The following NEDD4L variants were observed in gnomAD, a reference collection of about 807,000 sequenced individuals.
The protein encoded by NEDD4L is E3 ubiquitin-protein ligase NEDD4-like.
A neutral mutation model predicts 148.9 loss-of-function variants in NEDD4L; 54 were observed. The observed-to-expected ratio is 0.36, with a 90% CI of 0.29 to 0.45. NEDD4L has a LOEUF of 0.45. NEDD4L is among the 20% of genes least tolerant of loss of function. The pLI is 1.00. For synonymous variants in NEDD4L, 433 were observed against 440.7 expected (o/e 0.98, Z 0.22); for missense variants, 856 against 1,233.8 (o/e 0.69, Z 4.59).
intron 5 of NEDD4L, among the ~76,000 whole-genome samples, chr18:58,253,594 C>T (rs2048169203): frequency 6.6e-6 from 1 of 152,124 alleles, no homozygotes; most frequent in Non-Finnish European, 1.5e-5. Context: ...TATAACAGTA[C>T]GTTCCTGGAG....
chr18:58,367,753 T>C lies in NEDD4L; in HGVS notation c.2071T>C (p.Tyr691His). 1.9e-6 allele frequency: 3 copies of C among 1,613,968 alleles called. No individual in the cohort carries two copies. Among genetic ancestry groups the C allele is most frequent in the Non-Finnish European group, 2.5e-6 (3 of 1,179,844 alleles). Residue 691 changes from tyrosine to histidine, a missense_variant, in exon 22 of 31, where the codon TAC (tyrosine) becomes CAC (histidine). Physicochemically the swap from Tyr to His is moderately conservative, Grantham distance 83. Transcript: ENST00000400345. ...GLFEYSATDN[Y>H]TLQINPNSGL... Reference sequence around the variant, plus strand: ...TCTCTTTCTCCTCAAAAGGGACAACTACACCCTTCAGATCAACCCTAATTC... The same window carrying C: ...TCTCTTTCTCCTCAAAAGGGACAACCACACCCTTCAGATCAACCCTAATTC...
At chr18:58,324,828 A>T (rs566498156) in intron 8 of NEDD4L, among the ~76,000 whole-genome samples, 168 bp from the exon 9 acceptor site, 13 of 152,132 alleles carry the variant, frequency 8.5e-5, no homozygotes, top group South Asian at 8.3e-4. Flanking sequence ...ATATATATAT[A>T]TTTTTTTGGC....
chr18:58,176,902 G>A (rs562891546), intron 2 of NEDD4L, among the ~76,000 whole-genome samples: 67 of 152,350 alleles, frequency 4.4e-4, no homozygotes, highest in South Asian at 3.9e-3. Flanking sequence ...GAAGGTGTCT[G>A]ACACATAGAT....
intron 2 of NEDD4L, among the ~76,000 whole-genome samples, chr18:58,241,574 C>CT (rs1200945333): frequency 6.7e-6 from 1 of 150,324 alleles, no homozygotes; most frequent in Admixed American, 6.6e-5. Context: ...GTGATTCTGA[C>CT]TAGCAGGTCT....
intron 1 of NEDD4L, chr18:58,045,172 A>G (rs940478565): frequency 2.5e-6 from 1 of 398,600 alleles, no homozygotes; most frequent in African/African-American, 2.1e-5. Flanking sequence ...CTCTCTCATG[A>G]TTGTGTGGAT....
At chr18:58,357,509 T>G in intron 19 of NEDD4L, 1 of 640,442 alleles carries the variant, frequency 1.6e-6, no homozygotes, top group Non-Finnish European at 2.9e-6. Flanking sequence ...TCTTCTCCTT[T>G]ATAAAAGGGT....
At chr18:58,275,098 A>G (rs1252397382) in intron 5 of NEDD4L, among the ~76,000 whole-genome samples, 1 of 152,252 alleles carries the variant, frequency 6.6e-6, no homozygotes, top group African/African-American at 2.4e-5. Flanking sequence ...AACTAGTAAT[A>G]GCCTACTGTT....
At chr18:58,263,514 C>T (rs1033772784) in intron 5 of NEDD4L, among the ~76,000 whole-genome samples, 8 of 152,184 alleles carry the variant, frequency 5.3e-5, no homozygotes, top group African/African-American at 1.4e-4. Context: ...AAATTCAAAT[C>T]GTTTCTGATA....
At chr18:58,145,072 C>T (rs780462439) in intron 1 of NEDD4L, among the ~76,000 whole-genome samples, 14 of 152,172 alleles carry the variant, frequency 9.2e-5, no homozygotes, top group Non-Finnish European at 1.3e-4. Flanking sequence ...AGAGGATGCC[C>T]TCCACTGCTG....
intron 5 of NEDD4L, among the ~76,000 whole-genome samples, chr18:58,272,556 G>C (rs2051203555): frequency 6.6e-6 from 1 of 151,960 alleles, no homozygotes; most frequent in Admixed American, 6.6e-5. Context: ...CTGAGCTTGG[G>C]GAAACTGAGG....
chr18:58,167,580 A>G (rs1022669840), intron 2 of NEDD4L, among the ~76,000 whole-genome samples: 1 of 152,182 alleles, frequency 6.6e-6, no homozygotes, highest in Admixed American at 6.5e-5. Context: ...ATGTCATTTT[A>G]GCTTTTGCAG....
intron 1 of NEDD4L, among the ~76,000 whole-genome samples, chr18:58,153,361 A>T (rs1250058976): frequency 1.4e-5 from 2 of 145,916 alleles, no homozygotes; most frequent in Non-Finnish European, 3.0e-5. Context: ...TTTTTTAAAG[A>T]CAGAGTCTTG....
At chr18:58,233,647 C>T (rs1203927674) in intron 2 of NEDD4L, among the ~76,000 whole-genome samples, 1 of 152,228 alleles carries the variant, frequency 6.6e-6, no homozygotes, top group East Asian at 1.9e-4. Context: ...AGTCAGAATT[C>T]TGTAACACAT....
chr18:58,188,277 A>G (rs1485730644), intron 2 of NEDD4L, among the ~76,000 whole-genome samples: 1 of 152,230 alleles, frequency 6.6e-6, no homozygotes, highest in Non-Finnish European at 1.5e-5. Context: ...CATACAGAAC[A>G]TAGGGCTCAA....
intron 1 of NEDD4L, chr18:58,091,388 A>G (rs2072010216): frequency 6.6e-6 from 1 of 152,162 alleles, no homozygotes; most frequent in African/African-American, 2.4e-5. Flanking sequence ...AAATGATTGA[A>G]CCTTCTTGGA....
chr18:58,077,802 T>C (rs2083247262), intron 1 of NEDD4L, among the ~76,000 whole-genome samples: 1 of 152,164 alleles, frequency 6.6e-6, no homozygotes, highest in African/African-American at 2.4e-5. Context: ...TTTCTTGGAA[T>C]CTTTTGTTTA....
intron 1 of NEDD4L, among the ~76,000 whole-genome samples, chr18:58,066,011 TAATC>T (rs1311737214): frequency 6.6e-6 from 1 of 152,226 alleles, no homozygotes; most frequent in Non-Finnish European, 1.5e-5. Flanking sequence ...TATTCAGAAA[TAATC>T]AGTCATACTC....
chr18:58,340,871 G>A (rs921368434), intron 13 of NEDD4L, 167 bp from the exon 14 acceptor site: 7 of 660,244 alleles, frequency 1.1e-5, no homozygotes, highest in Non-Finnish European at 1.5e-5. Flanking sequence ...ATTTGAAGCT[G>A]TTGGAAATCT....
chr18:58,385,640 G>A, intron 26 of NEDD4L, 54 bp downstream of exon 26: 1 of 1,410,230 alleles, frequency 7.1e-7, no homozygotes, highest in Non-Finnish European at 1.0e-6. Flanking sequence ...CCGGGTCGAT[G>A]GGGGATCGCG....
Sources: allele counts gnomAD v4.1 joint callset (sites outside exome capture counted in the v4.1 genomes callset), GRCh38; gene constraint gnomAD v4.1.1; transcripts MANE v1.5; gene names NCBI Gene and HGNC (gene_info 2026-07-23, HGNC 2026-07-21).